DGKB: variants seen among roughly 807,000 people sequenced by gnomAD.
The protein encoded by DGKB is 90 kDa diacylglycerol kinase.
A neutral mutation model predicts 114.3 loss-of-function variants in DGKB; 67 were observed. The ratio of observed to expected loss-of-function variants is 0.59; its 90% CI spans 0.48 to 0.72. DGKB has a LOEUF of 0.72. DGKB is among the 30% of genes least tolerant of loss of function. The pLI is 0.00. For synonymous variants in DGKB, 398 were observed against 323.1 expected (o/e 1.23, Z -2.49); for missense variants, 907 against 975.2 (o/e 0.93, Z 0.93).
At chr7:14,763,725 A>C (rs553584817) in intron 2 of DGKB, among the ~76,000 whole-genome samples, 1 of 152,186 alleles carries the variant, frequency 6.6e-6, no homozygotes, top group South Asian at 2.1e-4. Context: ...TTTGCCACCT[A>C]AATAGTAGTC....
intron 23 of DGKB, among the ~76,000 whole-genome samples, chr7:14,240,605 C>G (rs1584663632): frequency 2.0e-5 from 3 of 152,002 alleles, no homozygotes; most frequent in Admixed American, 6.6e-5. Flanking sequence ...CCAAAAACAT[C>G]AGAAAGTGCT....
chr7:14,597,970 A>T (rs1472010163), intron 17 of DGKB, among the ~76,000 whole-genome samples: 1 of 152,142 alleles, frequency 6.6e-6, no homozygotes, highest in African/African-American at 2.4e-5. Flanking sequence ...CAATCAATTC[A>T]TTACTGTATT....
At chr7:14,956,219 G>A (rs1244711718) in intron 1 of DGKB, among the ~76,000 whole-genome samples, 2 of 151,884 alleles carry the variant, frequency 1.3e-5, no homozygotes, top group African/African-American at 4.8e-5. Flanking sequence ...TATGCATAAA[G>A]GAGATTTCAC....
chr7:14,291,318 A>T (rs931379887), intron 23 of DGKB, among the ~76,000 whole-genome samples: 1 of 152,088 alleles, frequency 6.6e-6, no homozygotes, highest in African/African-American at 2.4e-5. Flanking sequence ...ATGCTATTCA[A>T]AGTTAAGTAT....
At chr7:14,868,661 A>G (rs1852029781) in intron 1 of DGKB, among the ~76,000 whole-genome samples, 1 of 151,906 alleles carries the variant, frequency 6.6e-6, no homozygotes, top group Admixed American at 6.6e-5. Context: ...TCTCCCCATC[A>G]TTTTACCTAT....
rs1562487477 is a variant in DGKB at position 14,769,117 on chromosome 7, GAAA to G, written c.71-11389_71-11387del. 5.0e-4 allele frequency among the ~76,000 whole-genome samples: 52 copies of G among 103,688 alleles called. 1 individual carries two copies. Among genetic ancestry groups the G allele is most frequent in the African/African-American group, 2.8e-3 (52 of 18,692 alleles). The allele number at this position is 103,688 out of a possible 152,430, so 68.0% of individuals were successfully genotyped here. On this transcript the variant is annotated intron_variant, in intron 2 of 25. Transcript: ENST00000402815. Reference sequence around the variant, plus strand: ...AGAAAGAAAGAAAGAAAGAAAGAAAGAAAGAAAGAGAGAGAGAGAAAGAAAGAA... The same window carrying G: ...AGAAAGAAAGAAAGAAAGAAAGAAAGGAAAGAGAGAGAGAGAAAGAAAGAA...
At chr7:14,366,754 T>C (rs1816743083) in intron 21 of DGKB, among the ~76,000 whole-genome samples, 1 of 152,166 alleles carries the variant, frequency 6.6e-6, no homozygotes, top group South Asian at 2.1e-4. Flanking sequence ...GAAAAATTAA[T>C]ATTAAATATA....
chr7:14,647,271 A>C (rs993569708), intron 13 of DGKB, among the ~76,000 whole-genome samples: 3 of 152,152 alleles, frequency 2.0e-5, no homozygotes, highest in Non-Finnish European at 2.9e-5. Flanking sequence ...AAGAAATAGA[A>C]AATCTGAACA....
At chr7:14,667,720 G>T (rs1373768362) in intron 13 of DGKB, among the ~76,000 whole-genome samples, 1 of 152,064 alleles carries the variant, frequency 6.6e-6, no homozygotes, top group Non-Finnish European at 1.5e-5. Flanking sequence ...CTATCAGCTG[G>T]AGCTGATTAA....
At chr7:14,957,560 C>A (rs1465527071) in intron 1 of DGKB, among the ~76,000 whole-genome samples, 1 of 151,994 alleles carries the variant, frequency 6.6e-6, no homozygotes, top group Non-Finnish European at 1.5e-5. Context: ...CTGAGGCTAG[C>A]TTTTGTGCAC....
chr7:14,557,271 TA>T (rs1162746831), intron 20 of DGKB, among the ~76,000 whole-genome samples: 2 of 152,210 alleles, frequency 1.3e-5, no homozygotes, highest in Non-Finnish European at 1.5e-5. Context: ...TTCTTCTATA[TA>T]AAAAATTATT....
intron 2 of DGKB, among the ~76,000 whole-genome samples, chr7:14,797,533 G>A (rs1452682113): frequency 1.3e-5 from 2 of 152,074 alleles, no homozygotes; most frequent in Admixed American, 1.3e-4. Flanking sequence ...ATCCAAATCT[G>A]CATGGATAAA....
chr7:14,258,107 A>G (rs569131468), intron 23 of DGKB, among the ~76,000 whole-genome samples: 1 of 152,356 alleles, frequency 6.6e-6, no homozygotes, highest in African/African-American at 2.4e-5. Flanking sequence ...TAATAAAATG[A>G]GTAAAAGTTG....
At chr7:14,972,829 A>C (rs2115312631) in intron 1 of DGKB, among the ~76,000 whole-genome samples, 1 of 152,240 alleles carries the variant, frequency 6.6e-6, no homozygotes, top group Middle Eastern at 3.4e-3. Context: ...ATTACAGAGA[A>C]GAATATGCAG....
At chr7:14,309,887 GGGGCT>G (rs1348286241) in intron 23 of DGKB, among the ~76,000 whole-genome samples, 1 of 152,172 alleles carries the variant, frequency 6.6e-6, no homozygotes, top group Non-Finnish European at 1.5e-5. Context: ...TGTAGCCTAA[GGGGCT>G]CTGACAAAGG....
At chr7:14,554,757 C>T (rs953626350) in intron 20 of DGKB, among the ~76,000 whole-genome samples, 2 of 151,926 alleles carry the variant, frequency 1.3e-5, no homozygotes, top group Non-Finnish European at 2.9e-5. Flanking sequence ...ATATGGTAAC[C>T]TATTGCATAA....
At chr7:14,472,001 A>C (rs902537715) in intron 21 of DGKB, among the ~76,000 whole-genome samples, 1 of 152,178 alleles carries the variant, frequency 6.6e-6, no homozygotes, top group Non-Finnish European at 1.5e-5. Flanking sequence ...CTTTGAAATA[A>C]GCTGCGTGGA....
intron 21 of DGKB, among the ~76,000 whole-genome samples, chr7:14,411,614 C>T (rs17168153): frequency 0.75 from 113,444 of 151,028 alleles, 43,322 homozygotes; most frequent in Middle Eastern, 0.83. Flanking sequence ...AGCTTAAATT[C>T]CTGCATAATA....
At chr7:14,741,680 G>A (rs973150607) in intron 4 of DGKB, among the ~76,000 whole-genome samples, 1 of 152,042 alleles carries the variant, frequency 6.6e-6, no homozygotes, top group African/African-American at 2.4e-5. Context: ...ACACTTAGAC[G>A]TTCTAGTTTT....
Sources: allele counts gnomAD v4.1 joint callset (sites outside exome capture counted in the v4.1 genomes callset), GRCh38; gene constraint gnomAD v4.1.1; transcripts MANE v1.5; gene names NCBI Gene and HGNC (gene_info 2026-07-23, HGNC 2026-07-21).